Variants in SLC24A2 observed in about 807,000 individuals in gnomAD.
SLC24A2 encodes solute carrier family 24 member 2.
A neutral mutation model predicts 62.0 loss-of-function variants in SLC24A2; 36 were observed. The ratio of observed to expected loss-of-function variants is 0.58; its 90% CI spans 0.44 to 0.77. SLC24A2 has a LOEUF of 0.77. Among genes scored for constraint, SLC24A2 ranks in the 30% least tolerant of loss-of-function variants. The pLI is 0.00. For missense variants in SLC24A2, 846 were observed against 817.9 expected, an observed-to-expected ratio of 1.03 and a Z score of -0.42; for synonymous variants, 358 against 294.0, an observed-to-expected ratio of 1.22 and a Z score of -2.23.
At chr9:19,587,820 C>A (rs946702241) in intron 5 of SLC24A2, among the ~76,000 whole-genome samples, 1 of 152,204 alleles carries the variant, frequency 6.6e-6, no homozygotes, top group African/African-American at 2.4e-5. Context: ...CATTTAACAC[C>A]TTCTACATAT....
At chr9:20,295,065 TACACAC>T in the SLC24A2 span, among the ~76,000 whole-genome samples, 2 of 142,614 alleles carry the variant, frequency 1.4e-5, no homozygotes, top group African/African-American at 5.3e-5. Context: ...CACACACACA[TACACAC>T]ACACACACAC....
the SLC24A2 span, among the ~76,000 whole-genome samples, chr9:20,042,694 T>G: frequency 1.3e-5 from 2 of 152,332 alleles, no homozygotes; most frequent in African/African-American, 4.8e-5. Flanking sequence ...GGTAGTGTGT[T>G]TTTTACAAAT....
At chr9:19,590,603 T>C (rs985483370) in intron 5 of SLC24A2, among the ~76,000 whole-genome samples, 3 of 152,122 alleles carry the variant, frequency 2.0e-5, no homozygotes, top group Non-Finnish European at 4.4e-5. Context: ...TCGTAGAACC[T>C]AGCTTATTAT....
At chr9:20,113,950 G>A in the SLC24A2 span, among the ~76,000 whole-genome samples, 1 of 152,120 alleles carries the variant, frequency 6.6e-6, no homozygotes, top group Admixed American at 6.6e-5. Flanking sequence ...CCTGAGAGAG[G>A]GGAAACAAAT....
At chr9:20,067,066 G>A in the SLC24A2 span, among the ~76,000 whole-genome samples, 3 of 152,080 alleles carry the variant, frequency 2.0e-5, no homozygotes, top group African/African-American at 7.2e-5. Context: ...GTTCTAGATG[G>A]TATTTTTTAT....
At chr9:19,899,089 G>C in the SLC24A2 span, among the ~76,000 whole-genome samples, 1 of 152,064 alleles carries the variant, frequency 6.6e-6, no homozygotes, top group South Asian at 2.1e-4. Context: ...AGAGTCCTCT[G>C]TATCAGCCTC....
chr9:20,065,873 G>A, the SLC24A2 span, among the ~76,000 whole-genome samples: 1 of 152,116 alleles, frequency 6.6e-6, no homozygotes, highest in Non-Finnish European at 1.5e-5. Context: ...GTTTCTGGAT[G>A]ATAATAAGCC....
chr9:20,289,978 T>A, the SLC24A2 span, among the ~76,000 whole-genome samples: 4 of 152,114 alleles, frequency 2.6e-5, no homozygotes, highest in Admixed American at 2.6e-4. Context: ...ACAGTGCTCA[T>A]AAATCAGGGC....
chr9:19,542,840 G>T (rs925173593), intron 8 of SLC24A2, among the ~76,000 whole-genome samples: 3 of 152,206 alleles, frequency 2.0e-5, no homozygotes, highest in Admixed American at 2.0e-4. Flanking sequence ...TGGTTTGCCA[G>T]TATTTTATTG....
At chr9:20,176,347 T>C in the SLC24A2 span, among the ~76,000 whole-genome samples, 2 of 152,072 alleles carry the variant, frequency 1.3e-5, no homozygotes, top group African/African-American at 4.8e-5. Flanking sequence ...TGATTTCAGT[T>C]AGATGAATCA....
chr9:20,294,972 T>C, the SLC24A2 span, among the ~76,000 whole-genome samples: 5 of 151,538 alleles, frequency 3.3e-5, no homozygotes, highest in African/African-American at 9.7e-5. Context: ...CAGGTATAAA[T>C]AAATAAATAA....
chr9:19,748,526 T>C (rs889490081), intron 2 of SLC24A2, among the ~76,000 whole-genome samples: 2 of 152,178 alleles, frequency 1.3e-5, no homozygotes, highest in African/African-American at 2.4e-5. Context: ...AGTAAGATTG[T>C]GCAGAATGAA....
intron 1 of SLC24A2, 99 bp from the exon 2 acceptor site, chr9:19,787,118 C>T (rs1823198889): frequency 1.6e-6 from 1 of 622,564 alleles, no homozygotes; most frequent in Non-Finnish European, 2.0e-6. Context: ...TGCAGCTGTG[C>T]GATCTTGGGT....
the SLC24A2 span, among the ~76,000 whole-genome samples, chr9:20,267,232 A>G: frequency 3.9e-5 from 6 of 152,214 alleles, no homozygotes; most frequent in African/African-American, 1.2e-4. Context: ...TTTAATCACA[A>G]AGATATTTAC....
chr9:20,250,570 T>A, the SLC24A2 span, among the ~76,000 whole-genome samples: 1 of 152,160 alleles, frequency 6.6e-6, no homozygotes, highest in African/African-American at 2.4e-5. Flanking sequence ...CCAGGCTGGT[T>A]ATGGATATAA....
At chr9:19,893,320 T>C in the SLC24A2 span, among the ~76,000 whole-genome samples, 3 of 152,204 alleles carry the variant, frequency 2.0e-5, no homozygotes, top group Non-Finnish European at 4.4e-5. Context: ...CATGCATTTC[T>C]TTCCCAAGGC....
chr9:20,027,676 G>A, the SLC24A2 span, among the ~76,000 whole-genome samples: 1 of 152,092 alleles, frequency 6.6e-6, no homozygotes, highest in African/African-American at 2.4e-5. Flanking sequence ...ATGGGGAGGT[G>A]TTTGTCAAGG....
At chr9:20,140,903 C>T in the SLC24A2 span, among the ~76,000 whole-genome samples, 47 of 152,122 alleles carry the variant, frequency 3.1e-4, no homozygotes, top group East Asian at 3.9e-4. Flanking sequence ...TTTCCTCTAC[C>T]GCTCACCTGC....
At chr9:20,090,055 A>T in the SLC24A2 span, among the ~76,000 whole-genome samples, 1 of 152,058 alleles carries the variant, frequency 6.6e-6, no homozygotes, top group African/African-American at 2.4e-5. Flanking sequence ...AAAAGGAGCA[A>T]AGGCCCTAAG....
Sources: gnomAD v4.1 joint callset for allele counts (sites outside exome capture counted in the v4.1 genomes callset) on GRCh38, gnomAD v4.1.1 for gene constraint, MANE v1.5 for transcripts, NCBI Gene and HGNC (gene_info 2026-07-23, HGNC 2026-07-21) for gene names.